RPS6KC1: variants seen among roughly 807,000 people sequenced by gnomAD.
The protein encoded by RPS6KC1 is ribosomal protein S6 kinase C1.
A neutral mutation model predicts 103.8 loss-of-function variants in RPS6KC1; 54 were observed. That is an observed-to-expected ratio of 0.52 (90% confidence interval 0.42 to 0.65). The LOEUF is 0.65. Among genes scored for constraint, RPS6KC1 ranks in the 30% least tolerant of loss-of-function variants. The pLI, the probability that RPS6KC1 is intolerant of heterozygous loss-of-function variation, is 0.00. For missense variants in RPS6KC1, 1,151 were observed against 1,253.8 expected, an observed-to-expected ratio of 0.92 and a Z score of 1.24; for synonymous variants, 439 against 438.7, an observed-to-expected ratio of 1.00 and a Z score of -0.01.
the RPS6KC1 span, among the ~76,000 whole-genome samples, chr1:213,726,154 A>G: frequency 6.6e-6 from 1 of 152,282 alleles, no homozygotes; most frequent in Middle Eastern, 3.4e-3. Context: ...ACACAATTAT[A>G]GCTCACTGCA....
chr1:213,562,961 G>A, the RPS6KC1 span, among the ~76,000 whole-genome samples: 1 of 152,270 alleles, frequency 6.6e-6, no homozygotes, highest in Non-Finnish European at 1.5e-5. Context: ...ACCATGCCTT[G>A]CCCTGAAAAG....
At chr1:213,103,454 G>A (rs1171088779) in intron 3 of RPS6KC1, among the ~76,000 whole-genome samples, 1 of 152,092 alleles carries the variant, frequency 6.6e-6, no homozygotes, top group African/African-American at 2.4e-5. Context: ...GAAATAATCT[G>A]CCTAAGATTT....
At chr1:213,131,088 A>G (rs1160089584) in intron 6 of RPS6KC1, among the ~76,000 whole-genome samples, 1 of 152,190 alleles carries the variant, frequency 6.6e-6, no homozygotes, top group African/African-American at 2.4e-5. Flanking sequence ...TCAGTTTGCC[A>G]TCTTCAACTG....
the RPS6KC1 span, among the ~76,000 whole-genome samples, chr1:213,694,873 G>T: frequency 6.6e-6 from 1 of 152,194 alleles, no homozygotes; most frequent in East Asian, 1.9e-4. Flanking sequence ...AGGTATGAGG[G>T]ATGGCAGGAA....
chr1:213,226,187 C>T (rs576671927), intron 8 of RPS6KC1, among the ~76,000 whole-genome samples: 1 of 145,884 alleles, frequency 6.9e-6, no homozygotes, highest in South Asian at 2.2e-4. Flanking sequence ...CGCACCACTG[C>T]ACTCCAGCCT....
At chr1:213,143,792 C>A (rs2087377976) in intron 6 of RPS6KC1, among the ~76,000 whole-genome samples, 1 of 149,214 alleles carries the variant, frequency 6.7e-6, no homozygotes, top group Admixed American at 6.7e-5. Flanking sequence ...ACGTGAACCA[C>A]ACTGGGCAAA....
intron 14 of RPS6KC1, 33 bp downstream of exon 14, chr1:213,262,849 A>G (rs1400554189): frequency 3.1e-6 from 4 of 1,280,168 alleles, no homozygotes; most frequent in Non-Finnish European, 4.6e-6. Flanking sequence ...CAGGTTTATC[A>G]ACCATGCAGA....
chr1:213,553,325 T>C, the RPS6KC1 span, among the ~76,000 whole-genome samples: 1 of 152,198 alleles, frequency 6.6e-6, no homozygotes, highest in Non-Finnish European at 1.5e-5. Context: ...TCTATGTTGC[T>C]GCGAAGGACG....
chr1:213,059,597 T>TC (rs1483817136), intron 1 of RPS6KC1, among the ~76,000 whole-genome samples: 3 of 152,192 alleles, frequency 2.0e-5, no homozygotes, highest in Non-Finnish European at 4.4e-5. Context: ...CACTGCAGCC[T>TC]CCGCCTTCCG....
At chr1:213,339,401 T>G in the RPS6KC1 span, among the ~76,000 whole-genome samples, 2 of 152,202 alleles carry the variant, frequency 1.3e-5, no homozygotes, top group Admixed American at 1.3e-4. Flanking sequence ...TTGACTCTGT[T>G]TCAGACCAGA....
chr1:213,496,403 C>T, the RPS6KC1 span, among the ~76,000 whole-genome samples: 1 of 151,964 alleles, frequency 6.6e-6, no homozygotes, highest in Non-Finnish European at 1.5e-5. Flanking sequence ...TAAACAAACA[C>T]AAAAACAAAT....
At chr1:213,725,808 T>C in the RPS6KC1 span, among the ~76,000 whole-genome samples, 2 of 152,238 alleles carry the variant, frequency 1.3e-5, no homozygotes, top group Admixed American at 6.5e-5. Flanking sequence ...GTTCATTCTT[T>C]TACTGTTTTG....
the RPS6KC1 span, among the ~76,000 whole-genome samples, chr1:213,530,865 CT>C: frequency 3.9e-5 from 6 of 152,252 alleles, no homozygotes; most frequent in African/African-American, 7.2e-5. Context: ...CACCCTCACT[CT>C]GCTCAGTCCT....
the RPS6KC1 span, among the ~76,000 whole-genome samples, chr1:213,747,855 G>C: frequency 4.4e-3 from 664 of 152,238 alleles, 6 homozygotes; most frequent in African/African-American, 0.015. Flanking sequence ...CAAATTCAGT[G>C]GATGACATTG....
the RPS6KC1 span, among the ~76,000 whole-genome samples, chr1:213,568,639 T>G: frequency 6.6e-6 from 1 of 152,230 alleles, no homozygotes; most frequent in Non-Finnish European, 1.5e-5. Flanking sequence ...ACCATTTAAC[T>G]GTAACTCTCT....
chr1:213,128,301 G>C (rs1466007075), intron 5 of RPS6KC1, among the ~76,000 whole-genome samples: 1 of 152,004 alleles, frequency 6.6e-6, no homozygotes, highest in African/African-American at 2.4e-5. Context: ...TTTTGTTTTG[G>C]AAAATATAGT....
At chr1:213,515,642 A>C in the RPS6KC1 span, among the ~76,000 whole-genome samples, 59 of 152,224 alleles carry the variant, frequency 3.9e-4, no homozygotes, top group African/African-American at 1.4e-3. Context: ...GCCTTGTAGT[A>C]TAGTTTGAAG....
chr1:213,571,202 A>G, the RPS6KC1 span, among the ~76,000 whole-genome samples: 1 of 152,306 alleles, frequency 6.6e-6, no homozygotes, highest in East Asian at 1.9e-4. Flanking sequence ...TTTGGGAAAG[A>G]TATTTTAAAG....
At chr1:213,089,055 A>AT (rs1300310366) in intron 3 of RPS6KC1, among the ~76,000 whole-genome samples, 1 of 152,218 alleles carries the variant, frequency 6.6e-6, no homozygotes, top group South Asian at 2.1e-4. Flanking sequence ...ACAATTTATG[A>AT]TTTTTTAATA....
Sources: gnomAD v4.1 joint callset for allele counts (sites outside exome capture counted in the v4.1 genomes callset) on GRCh38, gnomAD v4.1.1 for gene constraint, MANE v1.5 for transcripts, NCBI Gene and HGNC (gene_info 2026-07-23, HGNC 2026-07-21) for gene names.